The following KIAA1328 variants were observed in gnomAD, a reference collection of about 807,000 sequenced individuals.
The protein encoded by KIAA1328 is protein hinderin.
A neutral mutation model predicts 68.1 loss-of-function variants in KIAA1328; 52 were observed. The observed-to-expected ratio is 0.76, with a 90% confidence interval of 0.61 to 0.96. The LOEUF is 0.96. KIAA1328 is among the 40% of genes least tolerant of loss of function. The pLI is 0.00. For synonymous variants in KIAA1328, 232 were observed against 239.4 expected (o/e 0.97, Z 0.28); for missense variants, 641 against 677.6 (o/e 0.95, Z 0.60).
At chr18:37,116,865 C>G (rs1167537986) in intron 7 of KIAA1328, among the ~76,000 whole-genome samples, 2 of 152,192 alleles carry the variant, frequency 1.3e-5, no homozygotes, top group East Asian at 3.8e-4. Flanking sequence ...TGAACAGACA[C>G]TTCTCAAAAG....
intron 6 of KIAA1328, among the ~76,000 whole-genome samples, chr18:37,008,524 C>T (rs1184529564): frequency 1.3e-5 from 2 of 152,116 alleles, no homozygotes; most frequent in African/African-American, 2.4e-5. Context: ...AAAAAAAACC[C>T]AGAAAATTAT....
chr18:36,919,629 G>A (rs535611781), intron 5 of KIAA1328, among the ~76,000 whole-genome samples: 1 of 152,264 alleles, frequency 6.6e-6, no homozygotes, highest in South Asian at 2.1e-4. Context: ...TTTACTTTAA[G>A]TTCTTTGATA....
intron 7 of KIAA1328, among the ~76,000 whole-genome samples, chr18:37,153,900 T>C (rs907632225): frequency 2.0e-5 from 3 of 151,664 alleles, no homozygotes; most frequent in African/African-American, 7.3e-5. Flanking sequence ...ATTTGAGTAT[T>C]TCATGTGCTG....
intron 7 of KIAA1328, among the ~76,000 whole-genome samples, chr18:37,117,892 A>ATG (rs1377368260): frequency 2.0e-5 from 3 of 150,770 alleles, no homozygotes; most frequent in African/African-American, 4.9e-5. Flanking sequence ...AAAAAAATAT[A>ATG]TATATATATA....
intron 5 of KIAA1328, among the ~76,000 whole-genome samples, chr18:36,936,776 G>A (rs11081972): frequency 0.9 from 136,531 of 152,134 alleles, 63,146 homozygotes; most frequent in Non-Finnish European, 1. Context: ...GCCAACATCT[G>A]TTGTTTCCTG....
chr18:37,056,563 G>T (rs1037801362), intron 6 of KIAA1328, among the ~76,000 whole-genome samples: 4 of 152,044 alleles, frequency 2.6e-5, no homozygotes, highest in Non-Finnish European at 5.9e-5. Context: ...TTATGCTGTG[G>T]ATTCCATAGC....
chr18:36,942,091 G>A (rs2050735672), intron 5 of KIAA1328, among the ~76,000 whole-genome samples: 1 of 152,196 alleles, frequency 6.6e-6, no homozygotes, highest in Non-Finnish European at 1.5e-5. Flanking sequence ...TTGTAAAATG[G>A]TATAGGGAAG....
intron 6 of KIAA1328, among the ~76,000 whole-genome samples, chr18:37,036,817 G>T (rs1347644072): frequency 6.6e-6 from 1 of 152,030 alleles, no homozygotes. Flanking sequence ...CCATTTTCTG[G>T]TTCAAATTTA....
intron 5 of KIAA1328, among the ~76,000 whole-genome samples, chr18:36,889,426 G>A (rs1416686808): frequency 6.6e-6 from 1 of 152,160 alleles, no homozygotes; most frequent in African/African-American, 2.4e-5. Flanking sequence ...ATATGACTCA[G>A]ATCAATGGTG....
intron 1 of KIAA1328, 171 bp from the exon 2 acceptor site, chr18:36,834,149 T>C (rs1943428769): frequency 1.2e-5 from 13 of 1,081,406 alleles, no homozygotes; most frequent in Non-Finnish European, 1.4e-5. Flanking sequence ...TTACTTTGCT[T>C]TCTAACTTTG....
intron 7 of KIAA1328, among the ~76,000 whole-genome samples, chr18:37,081,428 G>A (rs2056946175): frequency 1.3e-5 from 2 of 152,172 alleles, no homozygotes; most frequent in South Asian, 4.1e-4. Context: ...TTTCTAGGCT[G>A]AAAGTTGCCC....
At chr18:36,921,997 G>A (rs1366564153) in intron 5 of KIAA1328, among the ~76,000 whole-genome samples, 3 of 151,710 alleles carry the variant, frequency 2.0e-5, no homozygotes, top group Non-Finnish European at 4.4e-5. Context: ...GCACGATCGT[G>A]GCTCACTGCA....
chr18:37,148,004 G>A (rs1368833030), intron 7 of KIAA1328, among the ~76,000 whole-genome samples: 1 of 151,808 alleles, frequency 6.6e-6, no homozygotes, highest in African/African-American at 2.4e-5. Flanking sequence ...TAAGTTCTAG[G>A]GTAGATGTGC....
intron 7 of KIAA1328, among the ~76,000 whole-genome samples, chr18:37,128,737 T>C (rs142452020): frequency 6.6e-6 from 1 of 152,202 alleles, no homozygotes; most frequent in Non-Finnish European, 1.5e-5. Flanking sequence ...AGCCAAAAAT[T>C]GGAAACAAGC....
intron 7 of KIAA1328, among the ~76,000 whole-genome samples, chr18:37,077,181 TACGTAAATCAATAA>T (rs1332348217): frequency 2.0e-5 from 3 of 146,612 alleles, no homozygotes; most frequent in Non-Finnish European, 3.0e-5. Flanking sequence ...TGGTTCAATA[TACGTAAATCAATAA>T]ATGTAATCCA....
chr18:36,833,870 GTGTT>G (rs2046582585), intron 1 of KIAA1328, among the ~76,000 whole-genome samples: 1 of 152,190 alleles, frequency 6.6e-6, no homozygotes, highest in Non-Finnish European at 1.5e-5. Context: ...CTTGCCCTCA[GTGTT>G]TGTTCTTCAA....
At chr18:37,099,580 G>A (rs1280860023) in intron 7 of KIAA1328, among the ~76,000 whole-genome samples, 2 of 152,180 alleles carry the variant, frequency 1.3e-5, no homozygotes, top group Admixed American at 1.3e-4. Flanking sequence ...TTCTGTAGAT[G>A]TCTATTAGGT....
chr18:37,132,718 T>C (rs533678399), intron 7 of KIAA1328, among the ~76,000 whole-genome samples: 5 of 152,336 alleles, frequency 3.3e-5, no homozygotes, highest in African/African-American at 1.2e-4. Flanking sequence ...AAACTGCTAT[T>C]ATCAGTGGTA....
intron 7 of KIAA1328, among the ~76,000 whole-genome samples, chr18:37,070,056 A>G (rs953597560): frequency 2.0e-5 from 3 of 152,018 alleles, no homozygotes; most frequent in Non-Finnish European, 4.4e-5. Context: ...TTTTTGGGGT[A>G]TCTTTTGAAA....
Sources: gnomAD v4.1 joint callset for allele counts (sites outside exome capture counted in the v4.1 genomes callset) on GRCh38, gnomAD v4.1.1 for gene constraint, MANE v1.5 for transcripts, NCBI Gene and HGNC (gene_info 2026-07-23, HGNC 2026-07-21) for gene names.